The following STMN3 variants were observed in gnomAD, a reference collection of about 807,000 sequenced individuals.
STMN3 encodes the protein stathmin-3.
STMN3 carries 24 observed loss-of-function variants against 23.2 expected under a neutral mutation model. That is an observed-to-expected ratio of 1.03 (90% CI 0.75 to 1.45). The LOEUF is 1.45. STMN3 is among the 40% of genes most tolerant of loss of function. The pLI is 0.00. For synonymous variants in STMN3, 117 were observed against 103.4 expected (o/e 1.13, Z -0.80); for missense variants, 235 against 237.6 (o/e 0.99, Z 0.07).
intron 4 of STMN3, 90 bp from the exon 5 acceptor site, chr20:63,641,487 C>A: frequency 9.1e-7 from 1 of 1,104,444 alleles, no homozygotes; most frequent in Non-Finnish European, 1.3e-6. Context: ...GGCGCCCTGG[C>A]ACCCGCCCGG....
chr20:63,641,084 G>A lies in STMN3; in HGVS notation c.*254C>T, dbSNP rs1261765599. Reference sequence around the variant, plus strand: ...CCACCTCTCTCACAGGGCCCCCGGGGGACCCAGCCGCGCCCGGCCTGGTGT... The same window carrying A: ...CCACCTCTCTCACAGGGCCCCCGGGAGACCCAGCCGCGCCCGGCCTGGTGT... On this transcript the variant is annotated 3_prime_UTR_variant, in exon 5 of 5. Transcript: ENST00000370053. 15 of 570,636 alleles carry A rather than the reference G, an allele frequency of 2.6e-5. No homozygotes were observed. The East Asian group carries it at 3.9e-4, about 15-fold the overall frequency. 35.3% of individuals were successfully genotyped at this position (570,636 alleles called of 1,614,324 possible). A position where few individuals can be genotyped will look rare whatever the true frequency, so the allele number is the denominator to read the frequency against.
At position 63,643,808 on chromosome 20, in the gene STMN3, G is replaced by GCTTT. The variant is rs761659581; in HGVS notation, c.238_239insAAAG (p.Thr80LysfsTer48). On this transcript the variant is annotated frameshift_variant, in exon 3 of 5. Coordinates refer to ENST00000370053, the MANE Select transcript of STMN3 (RefSeq NM_015894.4). LOFTEE classifies it high-confidence loss of function. ...CCGCTTTTGCAGCTCCTCCAGGGAG[G>GCTTT]TGTCCTTCTTCTTGGGTGGGGAGGA... The GCTTT allele has an allele frequency of 2.3e-5, 36 of 1,561,948 alleles. No homozygotes were observed. Among genetic ancestry groups the GCTTT allele is most frequent in the Non-Finnish European group, 2.9e-5 (34 of 1,163,900 alleles).
chr20:63,649,606 C>T (rs928356283), intron 1 of STMN3, among the ~76,000 whole-genome samples: 2 of 152,110 alleles, frequency 1.3e-5, no homozygotes, highest in South Asian at 2.1e-4. Flanking sequence ...TCTCGGCTCA[C>T]GGCAAGCTCC....
At chr20:63,650,603 C>T (rs1204604568) in intron 1 of STMN3, among the ~76,000 whole-genome samples, 3 of 135,752 alleles carry the variant, frequency 2.2e-5, no homozygotes, top group Admixed American at 7.1e-5. Context: ...ACCTCACGCC[C>T]GCCCCTCCCA....
In STMN3 at chr20:63,647,747, A is replaced by G. The variant is rs1324598497; in HGVS notation, c.20-3438T>C. On this transcript the variant is annotated intron_variant, in intron 1 of 4. Transcript: ENST00000370053. ...ATTATATACATATATATACACGTGTATATATATAATATATATACATATATA... is the reference window on the plus strand; with the variant it reads ...ATTATATACATATATATACACGTGTGTATATATAATATATATACATATATA... Among the ~76,000 whole-genome samples the G allele has an allele frequency of 4.0e-4, 47 of 116,364 alleles. No individual in the cohort carries two copies. In the East Asian group the frequency reaches 9.2e-3, roughly 23 times the overall value. The allele number at this position is 116,364 out of a possible 152,430, so 76.3% of individuals were successfully genotyped here. A position where few individuals can be genotyped will look rare whatever the true frequency, so the allele number is the denominator to read the frequency against.
Position 63,643,903 on chromosome 20 carries a change from C to T in STMN3, c.144G>A (p.Arg48=). 1 of 1,598,300 alleles carries T rather than the reference C, an allele frequency of 6.3e-7. No individual in the cohort carries two copies. The highest frequency in any genetic ancestry group is 1.1e-5 in the South Asian group (1 of 88,768). ...GDMEVKQLDK[R]ASGQSFEVIL... The stretch of plus-strand genomic sequence containing the variant: ...TGACCTCGAAGCTCTGGCCTGAGGC[C>T]CGCTTGTCCAGCTGCTTCACCTCCA... Residue 48 remains arginine, a synonymous_variant, in exon 3 of 5, where the codon CGG becomes CGA. Transcript: ENST00000370053.
chr20:63,644,161 A>C, intron 2 of STMN3, 53 bp downstream of exon 2: 2 of 1,525,360 alleles, frequency 1.3e-6, no homozygotes, highest in African/African-American at 1.4e-5. Flanking sequence ...CCGGGGGAAA[A>C]GGTGAGGTGG....
intron 1 of STMN3, among the ~76,000 whole-genome samples, chr20:63,647,850 A>G (rs1486887053): frequency 7.9e-6 from 1 of 127,142 alleles, no homozygotes; most frequent in Admixed American, 8.5e-5. Context: ...GTATATATTA[A>G]TATATATACG....
At chr20:63,648,701 G>A (rs985925210) in intron 1 of STMN3, among the ~76,000 whole-genome samples, 4 of 152,092 alleles carry the variant, frequency 2.6e-5, no homozygotes, top group South Asian at 2.1e-4. Context: ...GTGCCACTGC[G>A]TTCCAGCCTG....
At chr20:63,643,455 AT>A (rs2089784143) in intron 3 of STMN3, among the ~76,000 whole-genome samples, 1 of 151,894 alleles carries the variant, frequency 6.6e-6, no homozygotes, top group Non-Finnish European at 1.5e-5. Flanking sequence ...CTAATTTTGT[AT>A]TTTTAGTACA....
intron 3 of STMN3, among the ~76,000 whole-genome samples, chr20:63,642,577 C>A (rs1336889320): frequency 1.3e-5 from 2 of 152,278 alleles, no homozygotes; most frequent in South Asian, 4.1e-4. Flanking sequence ...GCGCCCAGGG[C>A]CCCCGCCATA....
In STMN3 at chr20:63,641,319, C is replaced by A; in HGVS notation, c.*19G>T. On this transcript the variant is annotated 3_prime_UTR_variant, in exon 5 of 5. Coordinates refer to ENST00000370053, the MANE Select transcript of STMN3 (RefSeq NM_015894.4). ...CGAACGTGTTCTGTCGCAGGATGGG[C>A]GCCGCCCGTCCCGGGCCCTTAGCCC... The A allele has an allele frequency of 3.2e-6, 5 of 1,558,768 alleles. No individual in the cohort carries two copies. The highest frequency in any genetic ancestry group is 3.5e-6 in the Non-Finnish European group (4 of 1,152,174).
At chr20:63,651,328 C>T (rs888532629) in intron 1 of STMN3, among the ~76,000 whole-genome samples, 3 of 152,144 alleles carry the variant, frequency 2.0e-5, no homozygotes, top group Non-Finnish European at 4.4e-5. Flanking sequence ...CACAGAGTGC[C>T]GGGTGAGAGC....
Position 63,641,405 on chromosome 20 carries a change from A to G in STMN3, c.484-8T>C. On this transcript the variant is annotated splice_polypyrimidine_tract_variant and splice_region_variant and intron_variant, in intron 4 of 4. Transcript: ENST00000370053. ...CTCGGCCGCGTGCAGCTCCTGCAGG[A>G]CAGGGGGCGGGAGGGCCTGAGGGCG... 6.4e-7 allele frequency: 1 copy of G among 1,562,686 alleles called. No homozygotes were observed. The highest frequency in any genetic ancestry group is 8.7e-7 in the Non-Finnish European group (1 of 1,154,584).
Position 63,644,321 on chromosome 20 carries a change from A to T in STMN3, c.20-12T>A, listed in dbSNP as rs2089792771. 1 of 1,607,662 alleles carries T rather than the reference A, an allele frequency of 6.2e-7. No individual in the cohort carries two copies. Among genetic ancestry groups the T allele is most frequent in the African/African-American group, 1.3e-5 (1 of 74,878 alleles). ...CTTCTCCTTGTAGGCTGTGGGCACAAGGCTGGGCTGAGCAAGCACCACTGG... is the reference window on the plus strand; with the variant it reads ...CTTCTCCTTGTAGGCTGTGGGCACATGGCTGGGCTGAGCAAGCACCACTGG... On this transcript the variant is annotated splice_polypyrimidine_tract_variant and intron_variant, in intron 1 of 4. Transcript: ENST00000370053.
At position 63,641,079 on chromosome 20, in the gene STMN3, C is replaced by G; in HGVS notation, c.*259G>C. ...CACCGCCACCTCTCTCACAGGGCCCCCGGGGGACCCAGCCGCGCCCGGCCT... is the reference window on the plus strand; with the variant it reads ...CACCGCCACCTCTCTCACAGGGCCCGCGGGGGACCCAGCCGCGCCCGGCCT... On this transcript the variant is annotated 3_prime_UTR_variant, in exon 5 of 5. Coordinates refer to ENST00000370053, the MANE Select transcript of STMN3 (RefSeq NM_015894.4). 1 of 564,564 alleles carries G rather than the reference C, an allele frequency of 1.8e-6. No homozygotes were observed. Among genetic ancestry groups the G allele is most frequent in the South Asian group, 1.9e-5 (1 of 52,084 alleles). The allele number at this position is 564,564 out of a possible 1,614,324, so 35.0% of individuals were successfully genotyped here.
chr20:63,653,366 C>T lies in STMN3; in HGVS notation c.-21G>A. ...GCCATGGTGCTGGCGGCGGTTGGGC[C>T]TGCGGAGGCTGGAGAGGCGCAAGTG... On this transcript the variant is annotated 5_prime_UTR_variant, in exon 1 of 5. Coordinates refer to ENST00000370053, the MANE Select transcript of STMN3 (RefSeq NM_015894.4). The T allele has an allele frequency of 6.5e-7, 1 of 1,533,730 alleles. No homozygotes were observed. The highest frequency in any genetic ancestry group is 8.8e-7 in the Non-Finnish European group (1 of 1,139,230).
chr20:63,645,273 T>A (rs1382977258), intron 1 of STMN3, among the ~76,000 whole-genome samples: 1 of 152,142 alleles, frequency 6.6e-6, no homozygotes, highest in African/African-American at 2.4e-5. Context: ...TAAACCTGGA[T>A]GAAGCCCTCA....
At chr20:63,646,453 C>T (rs983924113) in intron 1 of STMN3, among the ~76,000 whole-genome samples, 3 of 152,014 alleles carry the variant, frequency 2.0e-5, no homozygotes, top group Non-Finnish European at 4.4e-5. Context: ...CTCCTGGGTT[C>T]ACACCATTCT....
Sources: gnomAD v4.1 joint callset for allele counts (sites outside exome capture counted in the v4.1 genomes callset) on GRCh38, gnomAD v4.1.1 for gene constraint, MANE v1.5 for transcripts, NCBI Gene and HGNC (gene_info 2026-07-23, HGNC 2026-07-21) for gene names.